CCSER1: variants seen among roughly 807,000 people sequenced by gnomAD.
The protein encoded by CCSER1 is serine-rich coiled-coil domain-containing protein 1.
Under a neutral mutation model 82.0 loss-of-function variants are expected in CCSER1, and 41 were observed. That is an observed-to-expected ratio of 0.50 (90% CI 0.39 to 0.65). The LOEUF (loss-of-function observed/expected upper bound fraction) is 0.65. CCSER1 is among the 30% of genes least tolerant of loss of function. CCSER1 has a pLI of 0.00. For missense variants in CCSER1, 1,119 were observed against 1,064.2 expected (o/e 1.05, Z -0.72); for synonymous variants, 414 against 383.9 (o/e 1.08, Z -0.92).
At chr4:90,315,954 A>C (rs140699287) in intron 3 of CCSER1, among the ~76,000 whole-genome samples, 650 of 152,376 alleles carry the variant, frequency 4.3e-3, no homozygotes, top group Non-Finnish European at 6.2e-3. Flanking sequence ...GTCTGTGTGA[A>C]CACTGGCACA....
rs75431709 is a variant in CCSER1 at position 91,139,378 on chromosome 4, C to G, written c.2217+53384C>G. Among the ~76,000 whole-genome samples, 199 of 152,138 alleles carry G rather than the reference C, an allele frequency of 1.3e-3. 4 individuals are homozygous for G. In the East Asian group the frequency reaches 0.036, roughly 28 times the overall value. Reference sequence around the variant, plus strand: ...TTTTGTGCTGAGCATTGTGCTACATCCTTCTTCAGAACAACAATTTGAGGA... The same window carrying G: ...TTTTGTGCTGAGCATTGTGCTACATGCTTCTTCAGAACAACAATTTGAGGA... On this transcript the variant is annotated intron_variant, in intron 10 of 10. Coordinates refer to ENST00000509176, the MANE Select transcript of CCSER1 (RefSeq NM_001145065.2).
chr4:91,548,563 A>AT (rs35863550), intron 10 of CCSER1, among the ~76,000 whole-genome samples: 94 of 146,666 alleles, frequency 6.4e-4, no homozygotes, highest in Middle Eastern at 7.1e-3. Flanking sequence ...AATTCCTTCA[A>AT]TTTTTTTTTT....
At chr4:91,041,005 A>G (rs5009447) in intron 9 of CCSER1, among the ~76,000 whole-genome samples, 62,783 of 152,088 alleles carry the variant, frequency 0.41, 13,384 homozygotes, top group East Asian at 0.64. Flanking sequence ...TATTTTTAGC[A>G]TCTTTTACAG....
chr4:91,013,939 TTTGTTGTTG>T (rs1219356561), intron 9 of CCSER1, among the ~76,000 whole-genome samples: 6 of 131,884 alleles, frequency 4.5e-5, no homozygotes, highest in African/African-American at 1.3e-4. Context: ...TGTTTTTGTT[TTTGTTGTTG>T]TTGTTGTTGT....
chr4:91,280,903 T>G (rs1323124602), intron 10 of CCSER1, among the ~76,000 whole-genome samples: 1 of 152,046 alleles, frequency 6.6e-6, no homozygotes, highest in Non-Finnish European at 1.5e-5. Flanking sequence ...GGTGGGTCGT[T>G]AGGCTCTCAA....
Position 90,918,907 on chromosome 4 carries a change from TTTTG to T in CCSER1, c.2095-4454_2095-4451del, listed in dbSNP as rs772973799. On this transcript the variant is annotated intron_variant, in intron 8 of 10. Coordinates refer to ENST00000509176, the MANE Select transcript of CCSER1 (RefSeq NM_001145065.2). ...ATTTCATGCCTTTTCAACATTTAGTTTTTGTTTGTTTGACATCTTCCAATTTTGT... is the reference window on the plus strand; with the variant it reads ...ATTTCATGCCTTTTCAACATTTAGTTTTTGTTTGACATCTTCCAATTTTGT... Among the ~76,000 whole-genome samples, 104 of 151,862 alleles carry T rather than the reference TTTTG, an allele frequency of 6.8e-4. 1 individual carries two copies. The highest frequency in any genetic ancestry group is 2.3e-3 in the African/African-American group (95 of 41,482).
At chr4:91,466,340 G>C (rs907877684) in intron 10 of CCSER1, among the ~76,000 whole-genome samples, 1 of 152,094 alleles carries the variant, frequency 6.6e-6, no homozygotes, top group Non-Finnish European at 1.5e-5. Context: ...ATTAGGTATT[G>C]ATGGGACGTA....
chr4:91,129,111 A>G (rs1346271883), intron 10 of CCSER1, among the ~76,000 whole-genome samples: 2 of 152,098 alleles, frequency 1.3e-5, no homozygotes, highest in African/African-American at 4.8e-5. Flanking sequence ...ATTTTCAAAC[A>G]GTACCCAAAG....
intron 5 of CCSER1, among the ~76,000 whole-genome samples, chr4:90,552,333 C>A (rs1196915427): frequency 6.6e-6 from 1 of 152,094 alleles, no homozygotes; most frequent in African/African-American, 2.4e-5. Context: ...ATACTAGACT[C>A]ATATTCCAAC....
intron 10 of CCSER1, among the ~76,000 whole-genome samples, chr4:91,266,284 C>G (rs1437163183): frequency 6.6e-6 from 1 of 151,716 alleles, no homozygotes; most frequent in Non-Finnish European, 1.5e-5. Flanking sequence ...CAGAGTCTCA[C>G]TCTGTTGGCC....
intron 1 of CCSER1, among the ~76,000 whole-genome samples, chr4:90,243,062 C>CTTTT (rs745465024): frequency 7.9e-6 from 1 of 126,986 alleles, no homozygotes; most frequent in African/African-American, 3.1e-5. Context: ...CTCTCTCTCT[C>CTTTT]TTTTTTTTTT....
At chr4:91,012,611 C>T (rs1346574913) in intron 9 of CCSER1, among the ~76,000 whole-genome samples, 1 of 151,082 alleles carries the variant, frequency 6.6e-6, no homozygotes, top group East Asian at 2.0e-4. Context: ...GGCCACTGGG[C>T]CAGGGTAGTT....
intron 1 of CCSER1, among the ~76,000 whole-genome samples, chr4:90,155,505 G>A (rs563497875): frequency 6.6e-6 from 1 of 151,980 alleles, no homozygotes; most frequent in Non-Finnish European, 1.5e-5. Context: ...AATCCATCTG[G>A]TCCTGGACTC....
intron 5 of CCSER1, among the ~76,000 whole-genome samples, chr4:90,607,185 T>G (rs1432332884): frequency 6.6e-6 from 1 of 152,194 alleles, no homozygotes; most frequent in Non-Finnish European, 1.5e-5. Flanking sequence ...AATACATTAG[T>G]TAGTACCTCA....
intron 10 of CCSER1, among the ~76,000 whole-genome samples, chr4:91,338,365 C>G (rs1747464478): frequency 6.6e-6 from 1 of 152,050 alleles, no homozygotes; most frequent in South Asian, 2.1e-4. Context: ...ATTCTTAAGG[C>G]ACATCACAAA....
At chr4:90,745,482 C>G (rs781430405) in intron 7 of CCSER1, among the ~76,000 whole-genome samples, 23 of 152,236 alleles carry the variant, frequency 1.5e-4, no homozygotes, top group Non-Finnish European at 2.9e-4. Context: ...TTCTGCCTGT[C>G]ACAGTCAGTA....
intron 8 of CCSER1, among the ~76,000 whole-genome samples, chr4:90,848,959 G>A (rs1001959256): frequency 3.9e-5 from 6 of 152,182 alleles, no homozygotes; most frequent in East Asian, 1.9e-4. Flanking sequence ...CTGGGGCTTC[G>A]CCTCCCATGC....
At chr4:91,473,674 TAA>T (rs956120603) in intron 10 of CCSER1, among the ~76,000 whole-genome samples, 11 of 152,090 alleles carry the variant, frequency 7.2e-5, no homozygotes, top group African/African-American at 2.2e-4. Context: ...GAGGAAAAAT[TAA>T]AAGAGTGTTG....
chr4:90,155,542 T>G (rs969682056), intron 1 of CCSER1, among the ~76,000 whole-genome samples: 1 of 152,220 alleles, frequency 6.6e-6, no homozygotes, highest in Non-Finnish European at 1.5e-5. Flanking sequence ...TATTGATTAT[T>G]GCCACAATTT....
Sources: allele counts gnomAD v4.1 joint callset (sites outside exome capture counted in the v4.1 genomes callset), GRCh38; gene constraint gnomAD v4.1.1; transcripts MANE v1.5; gene names NCBI Gene and HGNC (gene_info 2026-07-23, HGNC 2026-07-21).